The following STX8 variants were observed in gnomAD, a reference collection of about 807,000 sequenced individuals.
STX8 encodes syntaxin 8, also known as syntaxin-8.
Under a neutral mutation model 37.5 loss-of-function variants are expected in STX8, and 23 were observed. The observed-to-expected ratio is 0.61, with a 90% CI of 0.44 to 0.87. STX8 has a LOEUF of 0.87. STX8 is among the 40% of genes least tolerant of loss of function. STX8 has a pLI of 0.00. For synonymous variants in STX8, 115 were observed against 99.1 expected, an observed-to-expected ratio of 1.16 and a Z score of -0.95; for missense variants, 313 against 284.7, an observed-to-expected ratio of 1.10 and a Z score of -0.71.
intron 4 of STX8, among the ~76,000 whole-genome samples, 191 bp downstream of exon 4, chr17:9,544,981 C>G (rs985915443): frequency 6.6e-6 from 1 of 151,928 alleles, no homozygotes; most frequent in African/African-American, 2.4e-5. Context: ...GGTGACAGAG[C>G]GAGACTCTGT....
chr17:9,384,408 G>A (rs1911918598), intron 6 of STX8, among the ~76,000 whole-genome samples: 1 of 152,166 alleles, frequency 6.6e-6, no homozygotes, highest in Non-Finnish European at 1.5e-5. Flanking sequence ...GGAGGCCTAG[G>A]CGGGTGGATC....
chr17:9,343,018 C>CAAA (rs4063994), intron 7 of STX8, among the ~76,000 whole-genome samples: 1,506 of 110,210 alleles, frequency 0.014, 59 homozygotes, highest in African/African-American at 0.054. Context: ...GAAACTGTCT[C>CAAA]AAAAAAAAAA....
intron 7 of STX8, among the ~76,000 whole-genome samples, chr17:9,282,345 G>C (rs1907917449): frequency 6.6e-6 from 1 of 152,128 alleles, no homozygotes. Context: ...TGTTAGCCAG[G>C]CTGGTCTCAA....
chr17:9,333,179 G>T (rs532047343), intron 7 of STX8, among the ~76,000 whole-genome samples: 4 of 152,218 alleles, frequency 2.6e-5, no homozygotes, highest in African/African-American at 9.6e-5. Context: ...GAGGTTTAAG[G>T]TACGAATGAT....
At chr17:9,288,790 G>A (rs981389814) in intron 7 of STX8, among the ~76,000 whole-genome samples, 180 of 151,972 alleles carry the variant, frequency 1.2e-3, no homozygotes, top group African/African-American at 4.2e-3. Context: ...AGAAAATAAG[G>A]AAATTCAAGG....
At chr17:9,256,868 G>T (rs1330146408) in intron 7 of STX8, among the ~76,000 whole-genome samples, 1 of 152,186 alleles carries the variant, frequency 6.6e-6, no homozygotes, top group Non-Finnish European at 1.5e-5. Context: ...TAAACCTCAG[G>T]GGGGTCTACT....
At chr17:9,250,686 T>G (rs1906540338) in intron 7 of STX8, 41 bp from the exon 8 acceptor site, 1 of 1,544,336 alleles carries the variant, frequency 6.5e-7, no homozygotes, top group African/African-American at 1.4e-5. Context: ...TAATGATTCC[T>G]ACCAGAAAAG....
At chr17:9,551,219 T>C (rs1042461380) in intron 3 of STX8, among the ~76,000 whole-genome samples, 4 of 152,212 alleles carry the variant, frequency 2.6e-5, no homozygotes, top group Admixed American at 6.5e-5. Context: ...AAAAGACTTT[T>C]CTGGCTTTCT....
At chr17:9,357,848 A>T (rs760259570) in intron 7 of STX8, among the ~76,000 whole-genome samples, 4 of 152,236 alleles carry the variant, frequency 2.6e-5, no homozygotes, top group Non-Finnish European at 4.4e-5. Context: ...ACAAAGTCAT[A>T]CATCTCTAGA....
chr17:9,379,137 C>T (rs557166070), intron 6 of STX8, among the ~76,000 whole-genome samples: 32 of 150,314 alleles, frequency 2.1e-4, no homozygotes, highest in African/African-American at 7.8e-4. Context: ...CCCAGCTACT[C>T]GGGAGGCTGA....
chr17:9,465,181 ATTAC>A (rs921625055), intron 6 of STX8, among the ~76,000 whole-genome samples: 5 of 150,930 alleles, frequency 3.3e-5, no homozygotes, highest in African/African-American at 1.2e-4. Flanking sequence ...GCAGAGGATT[ATTAC>A]TTGAAGTTGC....
chr17:9,336,998 AG>A (rs1470855717), intron 7 of STX8, among the ~76,000 whole-genome samples: 1 of 152,212 alleles, frequency 6.6e-6, no homozygotes, highest in Non-Finnish European at 1.5e-5. Context: ...AAATGGAATG[AG>A]GTAGTCCTAA....
At chr17:9,332,109 A>G (rs1567787098) in intron 7 of STX8, among the ~76,000 whole-genome samples, 1 of 152,204 alleles carries the variant, frequency 6.6e-6, no homozygotes, top group Non-Finnish European at 1.5e-5. Context: ...TTGTTTCTTC[A>G]GTCCTGACTG....
chr17:9,521,774 T>C (rs550491153), intron 4 of STX8, among the ~76,000 whole-genome samples: 4 of 152,344 alleles, frequency 2.6e-5, no homozygotes, highest in African/African-American at 9.6e-5. Context: ...TTTGTTCAAA[T>C]TGAATAATCT....
At chr17:9,574,249 TGACA>T (rs1367272613) in intron 1 of STX8, among the ~76,000 whole-genome samples, 4 of 144,678 alleles carry the variant, frequency 2.8e-5, no homozygotes, top group Non-Finnish European at 6.0e-5. Flanking sequence ...CCAGCCTGGG[TGACA>T]GACAGAGCAA....
intron 4 of STX8, among the ~76,000 whole-genome samples, chr17:9,512,657 T>C (rs1905052884): frequency 6.6e-6 from 1 of 152,102 alleles, no homozygotes; most frequent in Non-Finnish European, 1.5e-5. Context: ...TTTCACCATG[T>C]TGCCCAGGCT....
intron 7 of STX8, among the ~76,000 whole-genome samples, chr17:9,265,975 G>A (rs976023195): frequency 1.3e-5 from 2 of 152,064 alleles, no homozygotes; most frequent in Admixed American, 6.5e-5. Context: ...CCTTTCCCTC[G>A]AGTCCTAGGG....
chr17:9,296,599 AG>A (rs1236166657), intron 7 of STX8, among the ~76,000 whole-genome samples: 1 of 149,472 alleles, frequency 6.7e-6, no homozygotes, highest in East Asian at 1.9e-4. Context: ...AATGGCTGGA[AG>A]GAAAAAAAGA....
At chr17:9,536,754 T>A (rs1906075181) in intron 4 of STX8, among the ~76,000 whole-genome samples, 1 of 151,892 alleles carries the variant, frequency 6.6e-6, no homozygotes, top group Admixed American at 6.6e-5. Flanking sequence ...ATTATTTTTT[T>A]TTTTTTGAGA....
Sources: gnomAD v4.1 joint callset for allele counts (sites outside exome capture counted in the v4.1 genomes callset) on GRCh38, gnomAD v4.1.1 for gene constraint, MANE v1.5 for transcripts, NCBI Gene and HGNC (gene_info 2026-07-23, HGNC 2026-07-21) for gene names.